Variants in RREB1 observed in about 807,000 individuals in gnomAD.
The protein encoded by RREB1 is ras responsive element binding protein 1, also known as ras-responsive element-binding protein 1.
RREB1 carries 27 observed loss-of-function variants against 117.8 expected under a neutral mutation model. That is an observed-to-expected ratio of 0.23 (90% CI 0.17 to 0.32). RREB1 has a LOEUF of 0.32. Ranked by LOEUF, RREB1 falls within the 10% of genes least tolerant of loss-of-function variation. The pLI, the probability that RREB1 is intolerant of heterozygous loss-of-function variation, is 1.00. For missense variants in RREB1, 2,577 were observed against 2,378.2 expected, an observed-to-expected ratio of 1.08 and a Z score of -1.74; for synonymous variants, 1,298 against 1,026.7, an observed-to-expected ratio of 1.26 and a Z score of -5.05.
chr6:7,114,669 G>T (rs927450181), intron 1 of RREB1, among the ~76,000 whole-genome samples: 2 of 152,130 alleles, frequency 1.3e-5, no homozygotes, highest in African/African-American at 4.8e-5. Context: ...TATTGCATGC[G>T]ATATATTTAG....
chr6:7,139,416 A>G (rs1424616601), intron 1 of RREB1: 4 of 152,244 alleles, frequency 2.6e-5, no homozygotes, highest in African/African-American at 4.8e-5. Context: ...GTTTAACTCA[A>G]TATACTTTGA....
At chr6:7,234,536 T>G (rs538702942) in intron 10 of RREB1, among the ~76,000 whole-genome samples, 1 of 152,364 alleles carries the variant, frequency 6.6e-6, no homozygotes, top group African/African-American at 2.4e-5. Flanking sequence ...GTTTAAAATT[T>G]AGTAGCATCT....
At chr6:7,162,207 G>A (rs1030158226) in intron 1 of RREB1, among the ~76,000 whole-genome samples, 2 of 151,560 alleles carry the variant, frequency 1.3e-5, no homozygotes, top group African/African-American at 4.9e-5. Context: ...TGCTAAGTAA[G>A]GGCATTAAAA....
chr6:7,113,376 T>C (rs1476647675), intron 1 of RREB1, among the ~76,000 whole-genome samples: 1 of 152,226 alleles, frequency 6.6e-6, no homozygotes, highest in African/African-American at 2.4e-5. Flanking sequence ...TGGGATAGAA[T>C]TGTTATGAAA....
At chr6:7,187,828 G>T (rs1765166531) in intron 5 of RREB1, 1 of 166,814 alleles carries the variant, frequency 6.0e-6, no homozygotes, top group Non-Finnish European at 1.3e-5. Context: ...TTTTGTATAT[G>T]CATATTCCTG....
rs867992461 is a variant in RREB1, at chr6:7,200,242, A to G, written c.426-10562A>G. 5.0e-3 allele frequency among the ~76,000 whole-genome samples: 518 copies of G among 104,442 alleles called. 1 individual carries two copies. Among genetic ancestry groups the G allele is most frequent in the Middle Eastern group, 0.025 (5 of 204 alleles). 68.5% of individuals were successfully genotyped at this position (104,442 alleles called of 152,430 possible). A position where few individuals can be genotyped will look rare whatever the true frequency, so the allele number is the denominator to read the frequency against. On this transcript the variant is annotated intron_variant, in intron 6 of 12. Coordinates refer to ENST00000379938, the MANE Select transcript of RREB1 (RefSeq NM_001003699.4). ...TGTATATATATATATGTATGTGTGTATATGTGTGTGTGTGTGTGTGTGTGT... is the reference window on the plus strand; with the variant it reads ...TGTATATATATATATGTATGTGTGTGTATGTGTGTGTGTGTGTGTGTGTGT...
intron 1 of RREB1, among the ~76,000 whole-genome samples, chr6:7,111,888 C>T (rs1351988273): frequency 6.6e-6 from 1 of 152,128 alleles, no homozygotes; most frequent in Non-Finnish European, 1.5e-5. Context: ...TTTGGAAATT[C>T]TGCATAATCC....
intron 11 of RREB1, 125 bp from the exon 12 acceptor site, chr6:7,246,299 A>G (rs1769014531): frequency 2.6e-6 from 2 of 784,048 alleles, no homozygotes; most frequent in Non-Finnish European, 3.7e-6. Flanking sequence ...TTGGGCCGAA[A>G]GAAGTCCTCA....
intron 1 of RREB1, among the ~76,000 whole-genome samples, chr6:7,174,152 T>C (rs1764377350): frequency 1.2e-5 from 1 of 83,796 alleles, no homozygotes; most frequent in Admixed American, 9.7e-5. Flanking sequence ...TAGTCTTTCC[T>C]TTTTTTTTTT....
In RREB1 at chr6:7,186,604, T is replaced by G. The variant is rs139310708; in HGVS notation, c.172-830T>G. Among the ~76,000 whole-genome samples the G allele has an allele frequency of 2.0e-5, 3 of 152,294 alleles. No individual in the cohort carries two copies. In the East Asian group the frequency reaches 5.8e-4, roughly 29 times the overall value. On this transcript the variant is annotated intron_variant, in intron 4 of 12. Transcript: ENST00000379938. ...GACTGTGGGGGTGAGGAGTCAATGA[T>G]GCACACAGCCTAGAACTCTGCATGA... is the stretch of plus-strand genomic sequence containing the variant.
At chr6:7,200,280 G>GTGTGTGTGT (rs1424204377) in intron 6 of RREB1, among the ~76,000 whole-genome samples, 1 of 93,836 alleles carries the variant, frequency 1.1e-5, no homozygotes, top group Non-Finnish European at 1.9e-5. Flanking sequence ...GTGTGTGTGT[G>GTGTGTGTGT]TATTTTTTTT....
chr6:7,250,203 C>T lies in RREB1; in HGVS notation c.*1235C>T, dbSNP rs998410494. ...TCGTGAGCGAGGTATTCCCAGTCTT[C>T]CTGCTAAGCCTAATCCAAGCCTTAC... On this transcript the variant is annotated 3_prime_UTR_variant, in exon 13 of 13. Transcript: ENST00000379938. 1 of 152,370 alleles carries T rather than the reference C, an allele frequency of 6.6e-6. No homozygotes were observed. The highest frequency in any genetic ancestry group is 1.5e-5 in the Non-Finnish European group (1 of 68,032). The allele number at this position is 152,370 out of a possible 1,614,324, so 9.4% of individuals were successfully genotyped here.
chr6:7,246,644 G>C lies in RREB1; in HGVS notation c.4194G>C (p.Glu1398Asp). 6.4e-7 allele frequency: 1 copy of C among 1,574,366 alleles called. No homozygotes were observed. The highest frequency in any genetic ancestry group is 8.6e-7 in the Non-Finnish European group (1 of 1,160,102). Reference sequence around the variant, plus strand: ...CGGAGGAGGAGCATGGCACTGAGGAGAGCACTGGGGACGCCGACGGCGCGG... The same window carrying C: ...CGGAGGAGGAGCATGGCACTGAGGACAGCACTGGGGACGCCGACGGCGCGG... ...HEPEEEHGTE[E>D]STGDADGAEE... Residue 1398 changes from glutamate (E) to aspartate (D), a missense_variant, in exon 12 of 13, where the codon GAG (glutamate) becomes GAC (aspartate). Physicochemically the swap from Glu to Asp is conservative, Grantham distance 45. Coordinates refer to ENST00000379938, the MANE Select transcript of RREB1 (RefSeq NM_001003699.4).
At chr6:7,121,629 T>C (rs1220987458) in intron 1 of RREB1, among the ~76,000 whole-genome samples, 1 of 152,144 alleles carries the variant, frequency 6.6e-6, no homozygotes, top group African/African-American at 2.4e-5. Flanking sequence ...AGAAGATTTA[T>C]TTGACCCCTT....
At position 7,230,654 on chromosome 6, in the gene RREB1, C is replaced by T. The variant is rs1242284121; in HGVS notation, c.2555C>T (p.Ala852Val). Residue 852 changes from alanine to valine, a missense_variant, in exon 10 of 13, where the codon GCC becomes GTC. Transcript: ENST00000379938. Reference protein sequence around the residue: ...SGRGEDSGCAALGDCKPLTAF... With the variant: ...SGRGEDSGCAVLGDCKPLTAF... ...CGCGGGGAGGACAGTGGCTGCGCTGCCCTTGGTGACTGCAAGCCCCTCACT... is the reference window on the plus strand; with the variant it reads ...CGCGGGGAGGACAGTGGCTGCGCTGTCCTTGGTGACTGCAAGCCCCTCACT... The T allele has an allele frequency of 6.3e-7, 1 of 1,598,904 alleles. No individual in the cohort carries two copies. The highest frequency in any genetic ancestry group is 8.5e-7 in the Non-Finnish European group (1 of 1,172,854).
Position 7,142,269 on chromosome 6 carries a change from C to CA in RREB1, c.-285+34213dup, listed in dbSNP as rs1472011657. 2.6e-5 allele frequency among the ~76,000 whole-genome samples: 4 copies of CA among 152,056 alleles called. No homozygotes were observed. The East Asian group carries it at 7.7e-4, about 29-fold the overall frequency. On this transcript the variant is annotated intron_variant, in intron 1 of 12. Coordinates refer to ENST00000379938, the MANE Select transcript of RREB1 (RefSeq NM_001003699.4). ...CTGAGAATGGAGGTGGAGGACCACA[C>CA]AAAACCCAGCCAGTTCTCGTGGCTT...
At chr6:7,206,707 A>G (rs1766293493) in intron 6 of RREB1, among the ~76,000 whole-genome samples, 1 of 152,212 alleles carries the variant, frequency 6.6e-6, no homozygotes. Context: ...CATCTGCACA[A>G]GTAGGGTGTG....
At chr6:7,157,104 C>T (rs775934726) in intron 1 of RREB1, among the ~76,000 whole-genome samples, 1 of 152,218 alleles carries the variant, frequency 6.6e-6, no homozygotes, top group African/African-American at 2.4e-5. Context: ...GTATAAGACC[C>T]GACTGCCCAT....
At chr6:7,217,472 G>C (rs1431448780) in intron 8 of RREB1, 1 of 152,200 alleles carries the variant, frequency 6.6e-6, no homozygotes, top group Non-Finnish European at 1.5e-5. Flanking sequence ...CAGCGTCCAG[G>C]CATTAAGGAT....
Sources: gnomAD v4.1 joint callset for allele counts (sites outside exome capture counted in the v4.1 genomes callset) on GRCh38, gnomAD v4.1.1 for gene constraint, MANE v1.5 for transcripts, NCBI Gene and HGNC (gene_info 2026-07-23, HGNC 2026-07-21) for gene names.